The following CLCNKB variants were observed in gnomAD, a reference collection of about 807,000 sequenced individuals.
CLCNKB encodes chloride voltage-gated channel Kb.
CLCNKB carries 74 observed loss-of-function variants against 83.8 expected under a neutral mutation model. The observed-to-expected ratio is 0.88, with a 90% CI of 0.73 to 1.07. CLCNKB has a LOEUF of 1.07. Ranked by LOEUF, CLCNKB falls within the 50% of genes least tolerant of loss-of-function variation. The pLI, the probability that CLCNKB is intolerant of heterozygous loss-of-function variation, is 0.00. For missense variants in CLCNKB, 798 were observed against 893.6 expected, an observed-to-expected ratio of 0.89 and a Z score of 1.36; for synonymous variants, 358 against 356.6, an observed-to-expected ratio of 1.00 and a Z score of -0.04.
Position 16,049,206 on chromosome 1 carries a change from T to A in CLCNKB, c.742T>A (p.Phe248Ile). 6.2e-7 allele frequency: 1 copy of A among 1,613,746 alleles called. No homozygotes were observed. The highest frequency in any genetic ancestry group is 8.5e-7 in the Non-Finnish European group (1 of 1,179,976). Residue 248 changes from phenylalanine to isoleucine, a missense_variant, in exon 8 of 20, where the codon TTC becomes ATC. Transcript: ENST00000375679. ...RGFFAATCGAFMFRLLAVFNS... is the reference protein window; with the variant it reads ...RGFFAATCGAIMFRLLAVFNS... ...CTTCTTTGCGGCCACCTGCGGGGCC[T>A]TCATGTTCCGGCTCCTGGCGGTCTT...
rs1206987560 is a variant in CLCNKB at position 16,050,843 on chromosome 1, C to T, written c.1054-32C>T. ...GGCTGGGGTCTGCCGCTGGGGGCCC[C>T]TCATGTCCAGTTCCCACCTGCCCCG... On this transcript the variant is annotated intron_variant, in intron 11 of 19. Transcript: ENST00000375679. 4 of 1,610,818 alleles carry T rather than the reference C, an allele frequency of 2.5e-6. No homozygotes were observed. In the South Asian group the frequency reaches 4.4e-5, roughly 18 times the overall value.
At position 16,050,901 on chromosome 1, in the gene CLCNKB, G is replaced by T; in HGVS notation, c.1080G>T (p.Ser360=). The part of the protein sequence containing the change: ...SRLSMKQHLD[S]LFDNHSWALM... Reference sequence around the variant, plus strand: ...TGTCCATGAAGCAGCATCTGGACTCGCTGTTCGACAACCACTCCTGGGCGC... The same window carrying T: ...TGTCCATGAAGCAGCATCTGGACTCTCTGTTCGACAACCACTCCTGGGCGC... Residue 360 remains serine, a synonymous_variant, in exon 12 of 20, where the codon TCG becomes TCT. Coordinates refer to ENST00000375679, the MANE Select transcript of CLCNKB (RefSeq NM_000085.5). 4 of 1,612,382 alleles carry T rather than the reference G, an allele frequency of 2.5e-6. No individual in the cohort carries two copies. The highest frequency in any genetic ancestry group is 8.5e-7 in the Non-Finnish European group (1 of 1,179,904).
chr1:16,051,142 G>A (rs1488973712), intron 12 of CLCNKB, 94 bp downstream of exon 12: 12 of 1,578,466 alleles, frequency 7.6e-6, no homozygotes, highest in Non-Finnish European at 1.0e-5. Flanking sequence ...TGGAGCCCAG[G>A]CCTTCCACCC....
At position 16,051,559 on chromosome 1, in the gene CLCNKB, G is replaced by T. The variant is rs747199214; in HGVS notation, c.1297+12G>T. The T allele has an allele frequency of 6.2e-7, 1 of 1,613,976 alleles. No individual in the cohort carries two copies. Reference sequence around the variant, plus strand: ...CATCTTTGTCTATGGTGAGTCTGGGGTCCTGAGGTTCTGAGAGTTTCGGGG... The same window carrying T: ...CATCTTTGTCTATGGTGAGTCTGGGTTCCTGAGGTTCTGAGAGTTTCGGGG... On this transcript the variant is annotated intron_variant, in intron 13 of 19. Transcript: ENST00000375679.
At chr1:16,050,727 C>A in intron 11 of CLCNKB, 127 bp downstream of exon 11, 1 of 1,477,784 alleles carries the variant, frequency 6.8e-7, no homozygotes. Context: ...ATAGATGATA[C>A]TACAGCTTCG....
chr1:16,050,760 G>A (rs2023261326), intron 11 of CLCNKB, 115 bp from the exon 12 acceptor site: 2 of 1,550,290 alleles, frequency 1.3e-6, no homozygotes, highest in South Asian at 1.1e-5. Flanking sequence ...CCTGCCCAAG[G>A]CCCCCCGCTG....
At chr1:16,051,261 A>G (rs1557470609) in intron 12 of CLCNKB, among the ~76,000 whole-genome samples, 1 of 152,126 alleles carries the variant, frequency 6.6e-6, no homozygotes, top group Non-Finnish European at 1.5e-5. Flanking sequence ...TGGGAAGGCT[A>G]AGGAGGAAGA....
In CLCNKB at chr1:16,050,620, G is replaced by T. The variant is rs752956789; in HGVS notation, c.1053+20G>T. On this transcript the variant is annotated intron_variant, in intron 11 of 19. Coordinates refer to ENST00000375679, the MANE Select transcript of CLCNKB (RefSeq NM_000085.5). ...TCTCGGGTAAGGGGCCTTGAGTGGG[G>T]TGGCAGGAGTGGGGAAGCCCTATTT... 6.2e-7 allele frequency: 1 copy of T among 1,610,642 alleles called. No homozygotes were observed. Among genetic ancestry groups the T allele is most frequent in the Non-Finnish European group, 8.5e-7 (1 of 1,177,252 alleles).
chr1:16,047,288 GA>G (rs1235080259), intron 4 of CLCNKB, among the ~76,000 whole-genome samples: 5 of 151,918 alleles, frequency 3.3e-5, no homozygotes, highest in East Asian at 1.9e-4. Flanking sequence ...ACAACAAATA[GA>G]AAAAAATCAG....
At chr1:16,045,852 C>T (rs1204163909) in intron 3 of CLCNKB, among the ~76,000 whole-genome samples, 166 bp downstream of exon 3, 1 of 152,186 alleles carries the variant, frequency 6.6e-6, no homozygotes, top group African/African-American at 2.4e-5. Context: ...GGGCAGGCTC[C>T]TGCCCCTCTC....
intron 15 of CLCNKB, 69 bp downstream of exon 15, chr1:16,052,480 A>G (rs1448725177): frequency 1.8e-5 from 29 of 1,603,774 alleles, no homozygotes; most frequent in Non-Finnish European, 2.4e-5. Context: ...GGTGAAGGGC[A>G]CCTCGAAAAA....
intron 17 of CLCNKB, 31 bp downstream of exon 17, chr1:16,055,554 G>C (rs1193295241): frequency 1.3e-6 from 2 of 1,538,204 alleles, no homozygotes; most frequent in Middle Eastern, 1.8e-4. Context: ...TGGGGATGGG[G>C]CGGGGGTGGG....
Position 16,051,816 on chromosome 1 carries a change from G to A in CLCNKB, c.1404G>A (p.Leu468=). Residue 468 remains leucine (L), a synonymous_variant, in exon 14 of 20, where the codon CTG becomes CTA. Coordinates refer to ENST00000375679, the MANE Select transcript of CLCNKB (RefSeq NM_000085.5). ...CCATCATGCCAGGGGGGTATGCTCT[G>A]GCAGGTGAGTGGGTCAGGGGCCTGC... The part of the protein sequence containing the change: ...TNPIMPGGYA[L]AGAAAFSGAV... 6.2e-7 allele frequency: 1 copy of A among 1,612,586 alleles called. No individual in the cohort carries two copies. Among genetic ancestry groups the A allele is most frequent in the Non-Finnish European group, 8.5e-7 (1 of 1,178,938 alleles).
rs1570335542 is a variant in CLCNKB, at chr1:16,049,652, G to A, written c.816G>A (p.Arg272=). The change falls in exon 9 of 20, where the codon CGG becomes CGA. Residue 272 remains arginine, a synonymous_variant. Coordinates refer to ENST00000375679, the MANE Select transcript of CLCNKB (RefSeq NM_000085.5). ...TITSLYKTSF[R]VDVPFDLPEI... ...CCTCCCTCTACAAGACCAGTTTCCG[G>A]GTGGACGTTCCCTTCGACCTGCCTG... The A allele has an allele frequency of 6.8e-6, 11 of 1,609,686 alleles. No individual in the cohort carries two copies. The East Asian group carries it at 2.5e-4, about 36-fold the overall frequency.
At chr1:16,049,286 G>A (rs1229832305) in intron 8 of CLCNKB, 41 bp downstream of exon 8, 1 of 1,609,558 alleles carries the variant, frequency 6.2e-7, no homozygotes, top group Non-Finnish European at 8.5e-7. Context: ...CTGCCTGGGG[G>A]CCGGGGCGAG....
Position 16,049,574 on chromosome 1 carries a change from G to A in CLCNKB, c.782-44G>A, listed in dbSNP as rs377064245. On this transcript the variant is annotated intron_variant, in intron 8 of 19. Transcript: ENST00000375679. Reference sequence around the variant, plus strand: ...TTAGTCTGGGACTTGAGTTTGGGTCGGGTGGGAGCGCCATCTTGGCTCCCC... The same window carrying A: ...TTAGTCTGGGACTTGAGTTTGGGTCAGGTGGGAGCGCCATCTTGGCTCCCC... 123 of 1,467,336 alleles carry A rather than the reference G, an allele frequency of 8.4e-5. No homozygotes were observed. The African/African-American group carries it at 1.6e-3, about 19-fold the overall frequency. 90.9% of individuals were successfully genotyped at this position (1,467,336 alleles called of 1,614,324 possible). A position where few individuals can be genotyped will look rare whatever the true frequency, so the allele number is the denominator to read the frequency against.
In CLCNKB at chr1:16,049,807, C is replaced by A; in HGVS notation, c.867-8C>A. Reference sequence around the variant, plus strand: ...CGGGCTCTGGGCTCATGTCTCCATGCTCCCCAGGGGTCTCTGTGGCATCCT... The same window carrying A: ...CGGGCTCTGGGCTCATGTCTCCATGATCCCCAGGGGTCTCTGTGGCATCCT... On this transcript the variant is annotated splice_polypyrimidine_tract_variant and splice_region_variant and intron_variant, in intron 9 of 19. Coordinates refer to ENST00000375679, the MANE Select transcript of CLCNKB (RefSeq NM_000085.5). 6.2e-7 allele frequency: 1 copy of A among 1,613,858 alleles called. No homozygotes were observed. Among genetic ancestry groups the A allele is most frequent in the Non-Finnish European group, 8.5e-7 (1 of 1,179,878 alleles).
In CLCNKB at chr1:16,056,940, G is replaced by A. The variant is rs371481569; in HGVS notation, c.*24G>A. The A allele has an allele frequency of 1.9e-5, 30 of 1,611,932 alleles. 1 individual carries two copies. The highest frequency in any genetic ancestry group is 2.5e-5 in the Non-Finnish European group (30 of 1,178,966). On this transcript the variant is annotated 3_prime_UTR_variant, in exon 20 of 20. Coordinates refer to ENST00000375679, the MANE Select transcript of CLCNKB (RefSeq NM_000085.5). ...GAGCCGGCCCAGCAAGATGAAACAG[G>A]GCACCCCAGCTGACCTGGTACTGAG... is the stretch of plus-strand genomic sequence containing the variant.
rs1316832931 is a variant in CLCNKB at position 16,052,183 on chromosome 1, A to G, written c.1409-15A>G. 1 of 1,612,448 alleles carries G rather than the reference A, an allele frequency of 6.2e-7. No homozygotes were observed. Among genetic ancestry groups the G allele is most frequent in the Non-Finnish European group, 8.5e-7 (1 of 1,179,812 alleles). ...CCCCTGGCCTGAGCTGCCCTGCCTG[A>G]CTCTGCCCTTGCAGGGGCTGCAGCC... On this transcript the variant is annotated splice_polypyrimidine_tract_variant and intron_variant, in intron 14 of 19. Coordinates refer to ENST00000375679, the MANE Select transcript of CLCNKB (RefSeq NM_000085.5).
Sources: allele counts gnomAD v4.1 joint callset (sites outside exome capture counted in the v4.1 genomes callset), GRCh38; gene constraint gnomAD v4.1.1; transcripts MANE v1.5; gene names NCBI Gene and HGNC (gene_info 2026-07-23, HGNC 2026-07-21).